ANKDD1A: variants seen among roughly 807,000 people sequenced by gnomAD.
ANKDD1A encodes the protein ankyrin repeat and death domain-containing protein 1A.
Under a neutral mutation model 63.5 loss-of-function variants are expected in ANKDD1A, and 59 were observed. The ratio of observed to expected loss-of-function variants is 0.93; its 90% CI spans 0.75 to 1.15. The LOEUF (loss-of-function observed/expected upper bound fraction) is 1.15, where lower values mean the gene tolerates loss of function less well. Ranked by LOEUF, ANKDD1A falls within the 50% of genes most tolerant of loss-of-function variation. The pLI is 0.00. For missense variants in ANKDD1A, 632 were observed against 656.4 expected, an observed-to-expected ratio of 0.96 and a Z score of 0.41; for synonymous variants, 266 against 263.9, an observed-to-expected ratio of 1.01 and a Z score of -0.08.
At chr15:64,919,401 C>T (rs1052213977) in intron 3 of ANKDD1A, among the ~76,000 whole-genome samples, 6 of 152,206 alleles carry the variant, frequency 3.9e-5, no homozygotes, top group African/African-American at 9.6e-5. Flanking sequence ...CTGGCCTCTT[C>T]GGCTCTAGTT....
intron 9 of ANKDD1A, among the ~76,000 whole-genome samples, chr15:64,939,333 T>A (rs1476535246): frequency 6.6e-6 from 1 of 152,068 alleles, no homozygotes; most frequent in Non-Finnish European, 1.5e-5. Flanking sequence ...TATTAAAAAC[T>A]GCAGAATAGG....
intron 7 of ANKDD1A, 150 bp from the exon 8 acceptor site, chr15:64,931,337 A>C (rs1437037843): frequency 2.9e-6 from 2 of 689,518 alleles, no homozygotes; most frequent in African/African-American, 3.6e-5. Flanking sequence ...AATCACAAAC[A>C]AGAAAGTTCA....
At chr15:64,924,762 C>T (rs933665202) in intron 4 of ANKDD1A, among the ~76,000 whole-genome samples, 9 of 152,148 alleles carry the variant, frequency 5.9e-5, no homozygotes, top group Admixed American at 3.9e-4. Context: ...ATGACCTTAA[C>T]CGTTTTGGAG....
At position 64,918,092 on chromosome 15, in the gene ANKDD1A, G is replaced by A. The variant is rs149423743; in HGVS notation, c.267+578G>A. ...AAATTAAAAAAAAGCGCCTGGGCGC[G>A]ATGGCTCATGCCTGTAATCTCAGCA... On this transcript the variant is annotated intron_variant, in intron 3 of 14. Transcript: ENST00000319580. Among the ~76,000 whole-genome samples the A allele has an allele frequency of 3.8e-3, 576 of 152,334 alleles. 6 individuals carry two copies. The highest frequency in any genetic ancestry group is 0.013 in the African/African-American group (546 of 41,578).
At position 64,921,843 on chromosome 15, in the gene ANKDD1A, G is replaced by A. The variant is rs980529158; in HGVS notation, c.268-78G>A. ...TAGTTCCTTCTGGTTGTATGGTTTA[G>A]TCATAAGGCACAGGGCCTGGCTGGC... On this transcript the variant is annotated intron_variant, in intron 3 of 14. Coordinates refer to ENST00000319580, the MANE Select transcript of ANKDD1A (RefSeq NM_182703.6). The A allele has an allele frequency of 2.4e-6, 3 of 1,259,240 alleles. No homozygotes were observed. The African/African-American group carries it at 4.4e-5, about 19-fold the overall frequency. 78.0% of individuals were successfully genotyped at this position (1,259,240 alleles called of 1,614,324 possible). A position where few individuals can be genotyped will look rare whatever the true frequency, so the allele number is the denominator to read the frequency against.
chr15:64,920,968 T>A (rs2085003136), intron 3 of ANKDD1A, among the ~76,000 whole-genome samples: 1 of 152,104 alleles, frequency 6.6e-6, no homozygotes. Flanking sequence ...TTTGTTTTTT[T>A]GTCTTTGTTT....
intron 12 of ANKDD1A, among the ~76,000 whole-genome samples, chr15:64,946,537 G>T (rs1194736463): frequency 6.6e-6 from 1 of 152,152 alleles, no homozygotes; most frequent in Non-Finnish European, 1.5e-5. Context: ...GCCACTTCAG[G>T]CTTTACAGGT....
chr15:64,955,459 T>A (rs577492684), intron 14 of ANKDD1A, among the ~76,000 whole-genome samples: 46 of 152,316 alleles, frequency 3.0e-4, no homozygotes, highest in African/African-American at 1.0e-3. Context: ...GTGGCATCCA[T>A]GGTGCTTGGC....
intron 14 of ANKDD1A, among the ~76,000 whole-genome samples, chr15:64,952,654 T>TCTCCTCCTCCTG (rs1595859456): frequency 6.6e-6 from 1 of 150,670 alleles, no homozygotes; most frequent in Non-Finnish European, 1.5e-5. Context: ...TCCTTCTCCT[T>TCTCCTCCTCCTG]CTTCTTCCCC....
rs1040956905 is a variant in ANKDD1A, at chr15:64,916,330, C to CTT, written c.138+444_138+445dup. ...GTGTGCAGGAGGGTCGGCTTTTTTT[C>CTT]TTTTTTTTTTTTTTTGAGACAGGAC... is the stretch of plus-strand genomic sequence containing the variant. On this transcript the variant is annotated intron_variant, in intron 2 of 14. Coordinates refer to ENST00000319580, the MANE Select transcript of ANKDD1A (RefSeq NM_182703.6). Among the ~76,000 whole-genome samples the CTT allele has an allele frequency of 7.9e-5, 11 of 140,110 alleles. No individual in the cohort carries two copies. The South Asian group carries it at 9.2e-4, about 12-fold the overall frequency. 91.9% of individuals were successfully genotyped at this position (140,110 alleles called of 152,430 possible).
At chr15:64,931,141 G>T (rs919967798) in intron 7 of ANKDD1A, among the ~76,000 whole-genome samples, 1 of 152,202 alleles carries the variant, frequency 6.6e-6, no homozygotes, top group Non-Finnish European at 1.5e-5. Flanking sequence ...GAAAGTGTGT[G>T]TTCAAAGAAG....
rs374889205 is a variant in ANKDD1A at position 64,912,497 on chromosome 15, G to C, written c.34+533G>C. Among the ~76,000 whole-genome samples, 478 of 152,320 alleles carry C rather than the reference G, an allele frequency of 3.1e-3. 1 individual carries two copies. The highest frequency in any genetic ancestry group is 0.011 in the African/African-American group (458 of 41,580). Reference sequence around the variant, plus strand: ...GATGGGGCACGCACTCAGAGGAGAGGAGCCTGACTGGCCACAGGTGGAATG... The same window carrying C: ...GATGGGGCACGCACTCAGAGGAGAGCAGCCTGACTGGCCACAGGTGGAATG... On this transcript the variant is annotated intron_variant, in intron 1 of 14. Transcript: ENST00000319580.
chr15:64,952,348 GTTC>G (rs1227357129), intron 14 of ANKDD1A, among the ~76,000 whole-genome samples: 2 of 66,460 alleles, frequency 3.0e-5, no homozygotes, highest in African/African-American at 5.4e-5. Flanking sequence ...CTTCTTCTTA[GTTC>G]TTCCTCCTTC....
chr15:64,917,592 G>A (rs1278344716), intron 3 of ANKDD1A, 78 bp downstream of exon 3: 14 of 1,496,248 alleles, frequency 9.4e-6, no homozygotes, highest in East Asian at 2.5e-5. Context: ...GCCAGTTGCC[G>A]AGATTGCTGC....
At chr15:64,929,363 G>T (rs572992302) in intron 6 of ANKDD1A, among the ~76,000 whole-genome samples, 1 of 151,878 alleles carries the variant, frequency 6.6e-6, no homozygotes, top group Non-Finnish European at 1.5e-5. Flanking sequence ...TTGTAGAGAC[G>T]GAGTCTTACT....
intron 3 of ANKDD1A, 120 bp downstream of exon 3, chr15:64,917,634 G>A: frequency 7.0e-7 from 1 of 1,418,886 alleles, no homozygotes; most frequent in Non-Finnish European, 9.4e-7. Flanking sequence ...CAGAGTGGTG[G>A]GGAGTCAGAG....
intron 3 of ANKDD1A, among the ~76,000 whole-genome samples, chr15:64,918,425 C>G (rs2084985713): frequency 6.6e-6 from 1 of 152,180 alleles, no homozygotes; most frequent in South Asian, 2.1e-4. Context: ...CTCCCCCATT[C>G]CCCAATCCTG....
chr15:64,914,519 C>T (rs1026577536), intron 1 of ANKDD1A, among the ~76,000 whole-genome samples: 4 of 152,244 alleles, frequency 2.6e-5, no homozygotes, highest in African/African-American at 4.8e-5. Flanking sequence ...GTCTTGAACT[C>T]CTGGCTTCAA....
At chr15:64,930,797 C>T in intron 6 of ANKDD1A, 25 bp from the exon 7 acceptor site, 1 of 1,604,160 alleles carries the variant, frequency 6.2e-7, no homozygotes, top group Non-Finnish European at 8.5e-7. Flanking sequence ...GTCTGCTGGC[C>T]TCTCAGGAGC....
Sources: allele counts gnomAD v4.1 joint callset (sites outside exome capture counted in the v4.1 genomes callset), GRCh38; gene constraint gnomAD v4.1.1; transcripts MANE v1.5; gene names NCBI Gene and HGNC (gene_info 2026-07-23, HGNC 2026-07-21).